The following FLT4 variants were observed in gnomAD, a reference collection of about 807,000 sequenced individuals.
The protein encoded by FLT4 is fms related receptor tyrosine kinase 4, also known as vascular endothelial growth factor receptor 3.
FLT4 carries 30 observed loss-of-function variants against 163.2 expected under a neutral mutation model. That is an observed-to-expected ratio of 0.18 (90% CI 0.14 to 0.25). The LOEUF (loss-of-function observed/expected upper bound fraction) is 0.25. Among genes scored for constraint, FLT4 ranks in the 10% least tolerant of loss-of-function variants. The probability of loss-of-function intolerance (pLI) is 1.00; values close to 1 mark genes in which losing one functional copy is unlikely to be tolerated. For synonymous variants in FLT4, 884 were observed against 789.5 expected, an observed-to-expected ratio of 1.12 and a Z score of -2.01; for missense variants, 1,510 against 1,863.8, an observed-to-expected ratio of 0.81 and a Z score of 3.50.
rs151276195 is a variant in FLT4 at position 180,634,601 on chromosome 5, G to A, written c.59-2823C>T. Among the ~76,000 whole-genome samples, 156 of 150,076 alleles carry A rather than the reference G, an allele frequency of 1.0e-3. 1 individual carries two copies. In the East Asian group the frequency reaches 0.013, roughly 13 times the overall value. On this transcript the variant is annotated intron_variant, in intron 1 of 29. Coordinates refer to ENST00000261937, the MANE Select transcript of FLT4 (RefSeq NM_182925.5). ...CCCAGCTAACTTGGGAGGCTGAGGCGGGAGAATGGCGTGAAGCCGGGAGGC... is the reference window on the plus strand; with the variant it reads ...CCCAGCTAACTTGGGAGGCTGAGGCAGGAGAATGGCGTGAAGCCGGGAGGC...
rs553752496 is a variant in FLT4, at chr5:180,608,425, G to A, written c.3893+543C>T. 588 of 686,338 alleles carry A rather than the reference G, an allele frequency of 8.6e-4. 1 individual carries two copies. Among genetic ancestry groups the A allele is most frequent in the Non-Finnish European group, 1.3e-3 (503 of 376,458 alleles). The allele number at this position is 686,338 out of a possible 1,614,324, so 42.5% of individuals were successfully genotyped here. A position where few individuals can be genotyped will look rare whatever the true frequency, so the allele number is the denominator to read the frequency against. ...TGCTCAGCCATTCGGGGCCACTACCGGTCTCCACGTCTTGATGGTAGGGGT... is the reference window on the plus strand; with the variant it reads ...TGCTCAGCCATTCGGGGCCACTACCAGTCTCCACGTCTTGATGGTAGGGGT... On this transcript the variant is annotated intron_variant, in intron 29 of 29. Coordinates refer to ENST00000261937, the MANE Select transcript of FLT4 (RefSeq NM_182925.5).
chr5:180,609,425 T>C (rs1762006848), intron 28 of FLT4: 1 of 407,122 alleles, frequency 2.5e-6, no homozygotes, highest in South Asian at 2.7e-5. Flanking sequence ...GCCTCCCGGT[T>C]TGGGGGGCTT....
intron 1 of FLT4, among the ~76,000 whole-genome samples, chr5:180,647,335 A>AGCTTGTGCCATGGCTAT (rs948409135): frequency 1.3e-5 from 2 of 152,040 alleles, no homozygotes; most frequent in Non-Finnish European, 2.9e-5. Context: ...GGGGCTTGCC[A>AGCTTGTGCCATGGCTAT]GCTTGTGCCA....
chr5:180,626,891 C>T (rs1406414493), intron 8 of FLT4, among the ~76,000 whole-genome samples: 1 of 152,238 alleles, frequency 6.6e-6, no homozygotes, highest in Non-Finnish European at 1.5e-5. Flanking sequence ...CTGCAGGGTT[C>T]CCTGCCTCCT....
rs778453271 is a variant in FLT4, at chr5:180,621,602, C to T, written c.1960G>A (p.Glu654Lys). The T allele has an allele frequency of 1.9e-6, 3 of 1,609,484 alleles. No individual in the cohort carries two copies. Among genetic ancestry groups the T allele is most frequent in the African/African-American group, 1.3e-5 (1 of 74,866 alleles). ...TCATGGCTGCGCCGGTCTTGCACTT[C>T]GCACACATAGTGGCCCTCGTGCTCG... ...APEHEGHYVC[E>K]VQDRRSHDKH... Residue 654 changes from glutamate to lysine, a missense_variant, in exon 13 of 30, where the codon GAA (glutamate) becomes AAA (lysine). This residue lies in a region of FLT4 where 878 missense variants were observed against 1,016.7 expected (regional missense o/e 0.86). Transcript: ENST00000261937.
intron 29 of FLT4, among the ~76,000 whole-genome samples, chr5:180,605,262 CG>C (rs1340801216): frequency 6.6e-6 from 1 of 152,166 alleles, no homozygotes; most frequent in Non-Finnish European, 1.5e-5. Context: ...ACTGCCTGGC[CG>C]AATCTATCTT....
intron 1 of FLT4, among the ~76,000 whole-genome samples, chr5:180,648,906 C>T (rs1211989018): frequency 1.3e-5 from 2 of 152,204 alleles, no homozygotes; most frequent in African/African-American, 4.8e-5. Flanking sequence ...GTCTCAAGTG[C>T]CAGCGTGCAC....
intron 1 of FLT4, among the ~76,000 whole-genome samples, chr5:180,640,726 C>T (rs535967482): frequency 4.6e-5 from 7 of 152,302 alleles, no homozygotes; most frequent in South Asian, 2.1e-4. Context: ...ATGTGGGAGT[C>T]GGCCCCTCCC....
Position 180,612,623 on chromosome 5 carries a change from CG to C in FLT4, c.3432-13del, listed in dbSNP as rs937492112. 6.2e-7 allele frequency: 1 copy of C among 1,601,320 alleles called. No individual in the cohort carries two copies. ...GCATGATGCGGCGTCTGCAGGATCACGTGGGCTGCTGGACTGCATGCACCCC... is the reference window on the plus strand; with the variant it reads ...GCATGATGCGGCGTCTGCAGGATCACTGGGCTGCTGGACTGCATGCACCCC... On this transcript the variant is annotated splice_polypyrimidine_tract_variant and intron_variant, in intron 25 of 29. Transcript: ENST00000261937.
chr5:180,623,791 G>T lies in FLT4; in HGVS notation c.1548+144C>A. ...CCTTTCTGCAGGCAGGGTGGCCGAG[G>T]CCTACAGACTGCAGGAAGGTCACCC... On this transcript the variant is annotated intron_variant, in intron 11 of 29. Coordinates refer to ENST00000261937, the MANE Select transcript of FLT4 (RefSeq NM_182925.5). This position sits in a 1 kb window ranked among gnomAD's most constrained non-coding sequence, Gnocchi z 5.8. 1.0e-6 allele frequency: 1 copy of T among 998,244 alleles called. No individual in the cohort carries two copies. Among genetic ancestry groups the T allele is most frequent in the Non-Finnish European group, 1.6e-6 (1 of 637,838 alleles). 61.8% of individuals were successfully genotyped at this position (998,244 alleles called of 1,614,324 possible). A position where few individuals can be genotyped will look rare whatever the true frequency, so the allele number is the denominator to read the frequency against.
rs754227283 is a variant in FLT4, at chr5:180,631,664, G to GGGAGAGGGACCCAGTACCTGCA, written c.151_155+17dup. The GGGAGAGGGACCCAGTACCTGCA allele has an allele frequency of 2.5e-6, 4 of 1,589,452 alleles. No individual in the cohort carries two copies. Among genetic ancestry groups the GGGAGAGGGACCCAGTACCTGCA allele is most frequent in the Non-Finnish European group, 3.4e-6 (4 of 1,162,976 alleles). On this transcript the variant is annotated intron_variant, in intron 2 of 29. Coordinates refer to ENST00000261937, the MANE Select transcript of FLT4 (RefSeq NM_182925.5). Reference sequence around the variant, plus strand: ...TGTGCAGCCTCTCTGGCCTGCCAGTGGGAGAGGGACCCAGTACCTGCAGGA... The same window carrying GGGAGAGGGACCCAGTACCTGCA: ...TGTGCAGCCTCTCTGGCCTGCCAGTGGGAGAGGGACCCAGTACCTGCAGGAGAGGGACCCAGTACCTGCAGGA...
At position 180,629,767 on chromosome 5, in the gene FLT4, C is replaced by G; in HGVS notation, c.745G>C (p.Val249Leu). Residue 249 changes from valine (V) to leucine (L), a missense_variant, in exon 6 of 30, where the codon GTC (valine) becomes CTC (leucine). Physicochemically the swap from Val to Leu is conservative, Grantham distance 32. Around this residue, in one of 5 missense-constraint regions of FLT4, gnomAD observed 163 missense variants for 281.1 expected, o/e 0.58. Transcript: ENST00000261937. ...TCAGCCCACACGGTGCAGTTCAGGA[C>G]CAGCTTCTCCCCTACCAGCAGCTCC... ...SLELLVGEKL[V>L]LNCTVWAEFN... 1 of 1,612,362 alleles carries G rather than the reference C, an allele frequency of 6.2e-7. No homozygotes were observed. The highest frequency in any genetic ancestry group is 8.5e-7 in the Non-Finnish European group (1 of 1,179,790).
In FLT4 at chr5:180,643,749, C is replaced by T. The variant is rs536103073; in HGVS notation, c.58+5739G>A. 3.3e-5 allele frequency among the ~76,000 whole-genome samples: 5 copies of T among 152,224 alleles called. No individual in the cohort carries two copies. The East Asian group carries it at 9.6e-4, about 29-fold the overall frequency. ...TGTGCTGCTTCCCCAGCGTCTCACA[C>T]CGAGGCTCCCCACCCAGGACTCCTG... is the stretch of plus-strand genomic sequence containing the variant. On this transcript the variant is annotated intron_variant, in intron 1 of 29. Transcript: ENST00000261937.
At chr5:180,611,014 G>A (rs984590129) in intron 27 of FLT4, among the ~76,000 whole-genome samples, 30 of 152,100 alleles carry the variant, frequency 2.0e-4, no homozygotes, top group Non-Finnish European at 3.7e-4. Context: ...CCGAGATCGC[G>A]CCACTGCACT....
chr5:180,612,446 G>C lies in FLT4; in HGVS notation c.3537+60C>G. 2.3e-6 allele frequency: 3 copies of C among 1,288,962 alleles called. No homozygotes were observed. In the Admixed American group the frequency reaches 5.0e-5, roughly 22 times the overall value. The allele number at this position is 1,288,962 out of a possible 1,614,324, so 79.8% of individuals were successfully genotyped here. Reference sequence around the variant, plus strand: ...AGATGGGCTTGGAGGGGCAGCTCGGGCCAGGGACCCAGGGCAGGGGCCAAA... The same window carrying C: ...AGATGGGCTTGGAGGGGCAGCTCGGCCCAGGGACCCAGGGCAGGGGCCAAA... On this transcript the variant is annotated intron_variant, in intron 26 of 29. Coordinates refer to ENST00000261937, the MANE Select transcript of FLT4 (RefSeq NM_182925.5).
intron 1 of FLT4, 101 bp downstream of exon 1, chr5:180,649,387 C>T (rs986529522): frequency 5.7e-6 from 5 of 877,768 alleles, no homozygotes; most frequent in Non-Finnish European, 8.1e-6. Flanking sequence ...GTGTCCCCCG[C>T]CCGTACCCGG....
chr5:180,620,456 C>A lies in FLT4; in HGVS notation c.2407-148G>T. Reference sequence around the variant, plus strand: ...CAGAAAAAAAGACAGACAACCTCTGCGGGGTTGGAGCCCAGCGTGAAGGGC... The same window carrying A: ...CAGAAAAAAAGACAGACAACCTCTGAGGGGTTGGAGCCCAGCGTGAAGGGC... On this transcript the variant is annotated intron_variant, in intron 16 of 29. Transcript: ENST00000261937. The surrounding 1 kb of genome is among the most constrained non-coding windows in gnomAD (Gnocchi z 4.4). The A allele has an allele frequency of 8.0e-7, 1 of 1,257,568 alleles. No homozygotes were observed. The highest frequency in any genetic ancestry group is 1.2e-6 in the Non-Finnish European group (1 of 868,860). 77.9% of individuals were successfully genotyped at this position (1,257,568 alleles called of 1,614,324 possible). A position where few individuals can be genotyped will look rare whatever the true frequency, so the allele number is the denominator to read the frequency against.
chr5:180,608,999 C>CT lies in FLT4; in HGVS notation c.3861dup (p.Glu1288ArgfsTer5), dbSNP rs1208662970. ...CCGCTTTCTTGTCTATGCCTGCTCT[C>CT]TATCTGCTCAAACTCCTCCGAGGCC... is the stretch of plus-strand genomic sequence containing the variant. On this transcript the variant is annotated frameshift_variant, in exon 29 of 30. Coordinates refer to ENST00000261937, the MANE Select transcript of FLT4 (RefSeq NM_182925.5). LOFTEE classifies it low-confidence loss of function (END_TRUNC). 1.2e-6 allele frequency: 2 copies of CT among 1,614,206 alleles called. No homozygotes were observed. The highest frequency in any genetic ancestry group is 2.2e-5 in the East Asian group (1 of 44,872).
At position 180,649,549 on chromosome 5, in the gene FLT4, C is replaced by T. The variant is rs1765646778; in HGVS notation, c.-4G>A. ...ACAGCGCGGCGCCCCGCTGCATCTCCGGCCGCTGCGCGTGGGTCCGACCCG... is the reference window on the plus strand; with the variant it reads ...ACAGCGCGGCGCCCCGCTGCATCTCTGGCCGCTGCGCGTGGGTCCGACCCG... On this transcript the variant is annotated 5_prime_UTR_variant, in exon 1 of 30. Coordinates refer to ENST00000261937, the MANE Select transcript of FLT4 (RefSeq NM_182925.5). The T allele has an allele frequency of 7.0e-7, 1 of 1,431,066 alleles. No homozygotes were observed. Among genetic ancestry groups the T allele is most frequent in the Non-Finnish European group, 9.2e-7 (1 of 1,090,866 alleles). 88.6% of individuals were successfully genotyped at this position (1,431,066 alleles called of 1,614,324 possible).
Sources: gnomAD v4.1 joint callset for allele counts (sites outside exome capture counted in the v4.1 genomes callset) on GRCh38, gnomAD v4.1.1 for gene constraint, gnomAD v4.1.1 regional missense constraint, Gnocchi (gnomAD v3.1) non-coding constraint, MANE v1.5 for transcripts, NCBI Gene and HGNC (gene_info 2026-07-23, HGNC 2026-07-21) for gene names.